Variants in PRRC2B observed in about 807,000 individuals in gnomAD.
The protein encoded by PRRC2B is proline rich coiled-coil 2B, also known as protein PRRC2B.
PRRC2B carries 68 observed loss-of-function variants against 242.3 expected under a neutral mutation model. The observed-to-expected ratio is 0.28, with a 90% CI of 0.23 to 0.34. The LOEUF (loss-of-function observed/expected upper bound fraction) is 0.34, where lower values mean the gene tolerates loss of function less well. Ranked by LOEUF, PRRC2B falls within the 10% of genes least tolerant of loss-of-function variation. PRRC2B has a pLI of 1.00. For synonymous variants in PRRC2B, 1,228 were observed against 1,173.6 expected (o/e 1.05, Z -0.95); for missense variants, 2,835 against 2,954.8 (o/e 0.96, Z 0.94).
chr9:131,430,684 C>T (rs769702112), intron 2 of PRRC2B, among the ~76,000 whole-genome samples: 2 of 151,766 alleles, frequency 1.3e-5, no homozygotes, highest in Non-Finnish European at 2.9e-5. Context: ...CCTCCACCTT[C>T]TGGGCTCAAG....
At chr9:131,422,702 A>G (rs1837876570) in intron 1 of PRRC2B, among the ~76,000 whole-genome samples, 1 of 152,228 alleles carries the variant, frequency 6.6e-6, no homozygotes, top group Non-Finnish European at 1.5e-5. Context: ...AACCTGTTGG[A>G]CAGGCGGGCA....
upstream of PRRC2B, among the ~76,000 whole-genome samples, chr9:131,389,962 C>T (rs941758580): frequency 8.9e-6 from 1 of 112,068 alleles, no homozygotes; most frequent in Non-Finnish European, 1.7e-5. Context: ...CCTGTTTTGT[C>T]GCCAAGCTGG....
chr9:131,403,133 C>G (rs1837269290), intron 1 of PRRC2B, among the ~76,000 whole-genome samples: 1 of 152,106 alleles, frequency 6.6e-6, no homozygotes, highest in African/African-American at 2.4e-5. Context: ...CAGCTGTGTT[C>G]CAGGCCAGGG....
intron 1 of PRRC2B, among the ~76,000 whole-genome samples, chr9:131,395,778 G>A (rs1837035540): frequency 6.6e-6 from 1 of 152,208 alleles, no homozygotes; most frequent in Non-Finnish European, 1.5e-5. Flanking sequence ...ACAGTGCTGA[G>A]CCTCTCGGGA....
chr9:131,391,142 G>A (rs914889012), upstream of PRRC2B, among the ~76,000 whole-genome samples: 1 of 151,862 alleles, frequency 6.6e-6, no homozygotes, highest in Non-Finnish European at 1.5e-5. Context: ...CTCCAAGGTT[G>A]TACTAGTTTT....
chr9:131,493,834 C>G (rs1048580500), intron 30 of PRRC2B, among the ~76,000 whole-genome samples: 1 of 152,118 alleles, frequency 6.6e-6, no homozygotes, highest in Admixed American at 6.5e-5. Flanking sequence ...TCCTGTTGAA[C>G]TCTGCACACG....
At position 131,459,166 on chromosome 9, in the gene PRRC2B, A is replaced by G; in HGVS notation, c.1214A>G (p.Asn405Ser). The change falls in exon 11 of 32, where the codon AAC (asparagine) becomes AGC (serine). Residue 405 changes from asparagine to serine, a missense_variant and splice_region_variant. Transcript: ENST00000683519. ...ACATCAAATGTGGTTTGTCCTAGGA[A>G]CAGTTGGGACCCTAGGAGGCAGCGG... The part of the protein sequence containing the change: ...EVVKDGRPKW[N>S]SWDPRRQRQL... 14 of 1,613,686 alleles carry G rather than the reference A, an allele frequency of 8.7e-6. No homozygotes were observed. Among genetic ancestry groups the G allele is most frequent in the Non-Finnish European group, 1.2e-5 (14 of 1,179,664 alleles).
chr9:131,407,326 A>T (rs1837392445), intron 1 of PRRC2B, among the ~76,000 whole-genome samples: 2 of 151,662 alleles, frequency 1.3e-5, no homozygotes, highest in South Asian at 4.2e-4. Flanking sequence ...TGGGTGGGGG[A>T]GGAGAGTTGT....
Position 131,446,698 on chromosome 9 carries a change from G to A in PRRC2B, c.855+56G>A. 6.3e-7 allele frequency: 1 copy of A among 1,593,824 alleles called. No individual in the cohort carries two copies. The highest frequency in any genetic ancestry group is 1.7e-5 in the Admixed American group (1 of 59,262). Reference sequence around the variant, plus strand: ...CCATGAAGTTGGATTGTGTCCAGCAGATAGGTCAAGTGGTTGAATGTCCCC... The same window carrying A: ...CCATGAAGTTGGATTGTGTCCAGCAAATAGGTCAAGTGGTTGAATGTCCCC... On this transcript the variant is annotated intron_variant, in intron 7 of 31. Coordinates refer to ENST00000683519, the MANE Select transcript of PRRC2B (RefSeq NM_013318.4). The surrounding 1 kb of genome is among the most constrained non-coding windows in gnomAD (Gnocchi z 4.1).
intron 4 of PRRC2B, among the ~76,000 whole-genome samples, chr9:131,437,378 G>A (rs1428802427): frequency 1.3e-5 from 2 of 152,216 alleles, no homozygotes; most frequent in Non-Finnish European, 2.9e-5. Context: ...TAAGCAGAAA[G>A]TAATGATTTC....
At chr9:131,457,101 G>A (rs752454154) in intron 10 of PRRC2B, among the ~76,000 whole-genome samples, 14 of 152,168 alleles carry the variant, frequency 9.2e-5, no homozygotes, top group Non-Finnish European at 1.8e-4. Flanking sequence ...CCTAAAGTAA[G>A]TGCCCATCTT....
At chr9:131,431,320 C>T (rs540463243) in intron 2 of PRRC2B, among the ~76,000 whole-genome samples, 110 of 151,924 alleles carry the variant, frequency 7.2e-4, no homozygotes, top group African/African-American at 2.5e-3. Context: ...TTAGTAGAGA[C>T]GGGGTTTCAC....
Position 131,475,382 on chromosome 9 carries a change from G to C in PRRC2B, c.3253G>C (p.Gly1085Arg), listed in dbSNP as rs370013366. 16 of 1,586,456 alleles carry C rather than the reference G, an allele frequency of 1.0e-5. No individual in the cohort carries two copies. The African/African-American group carries it at 2.0e-4, about 20-fold the overall frequency. Residue 1085 changes from glycine to arginine, a missense_variant, in exon 16 of 32, where the codon GGG becomes CGG. Gly to Arg is a moderately radical substitution (Grantham distance 125). This residue lies in a region of PRRC2B where 1,536 missense variants were observed against 1,483.1 expected (regional missense o/e 1.04). Transcript: ENST00000683519. ...TCGTGGTCGGCCTGCTGGCGGAAAT[G>C]GGAGCGGCCTCTGTGGTGGGGGGGT... is the stretch of plus-strand genomic sequence containing the variant. ...TFRGRPAGGN[G>R]SGLCGGGVLG...
chr9:131,414,001 C>T (rs1216193823), intron 1 of PRRC2B, among the ~76,000 whole-genome samples: 1 of 152,180 alleles, frequency 6.6e-6, no homozygotes, highest in Non-Finnish European at 1.5e-5. Context: ...AAAAACAAAG[C>T]TGAAGGACAT....
chr9:131,477,134 G>A (rs75758113), intron 16 of PRRC2B, among the ~76,000 whole-genome samples: 9,878 of 152,290 alleles, frequency 0.065, 423 homozygotes, highest in Admixed American at 0.12. Context: ...GGGACCAGGA[G>A]AGGGTCCCCT....
chr9:131,445,593 G>A (rs1015320360), intron 6 of PRRC2B, among the ~76,000 whole-genome samples: 1 of 152,226 alleles, frequency 6.6e-6, no homozygotes, highest in African/African-American at 2.4e-5. Context: ...TGGAGAAGAT[G>A]AGAAAACATG....
At chr9:131,449,654 T>A (rs1942849892) in intron 9 of PRRC2B, among the ~76,000 whole-genome samples, 1 of 152,250 alleles carries the variant, frequency 6.6e-6, no homozygotes, top group Non-Finnish European at 1.5e-5. Context: ...CCTTTGCAAC[T>A]TTTATTTTGC....
rs557186068 is a variant in PRRC2B at position 131,418,885 on chromosome 9, G to A, written c.-51-11209G>A. Reference sequence around the variant, plus strand: ...AGTCAAAACACAGTAGAACACGGGCGAGGCAGATGATTAGTATTGCAGCGT... The same window carrying A: ...AGTCAAAACACAGTAGAACACGGGCAAGGCAGATGATTAGTATTGCAGCGT... On this transcript the variant is annotated intron_variant, in intron 1 of 31. Coordinates refer to ENST00000683519, the MANE Select transcript of PRRC2B (RefSeq NM_013318.4). Among the ~76,000 whole-genome samples the A allele has an allele frequency of 4.6e-5, 7 of 152,350 alleles. No homozygotes were observed. In the East Asian group the frequency reaches 9.6e-4, roughly 21 times the overall value.
intron 1 of PRRC2B, among the ~76,000 whole-genome samples, chr9:131,384,531 A>T (rs1214893722): frequency 1.3e-5 from 2 of 151,768 alleles, no homozygotes; most frequent in Non-Finnish European, 2.9e-5. Context: ...TGATCCGCCC[A>T]CCTCGGCCTC....
Sources: allele counts gnomAD v4.1 joint callset (sites outside exome capture counted in the v4.1 genomes callset), GRCh38; gene constraint gnomAD v4.1.1; regional missense constraint gnomAD v4.1.1; non-coding constraint Gnocchi (gnomAD v3.1); transcripts MANE v1.5; gene names NCBI Gene and HGNC (gene_info 2026-07-23, HGNC 2026-07-21).